Variants in SAMD12 observed in about 807,000 individuals in gnomAD.
SAMD12 encodes the protein sterile alpha motif domain-containing protein 12.
In SAMD12, 9 loss-of-function variants were observed where a neutral mutation model predicts 15.0. The observed-to-expected ratio is 0.60, with a 90% CI of 0.36 to 1.05. The LOEUF (loss-of-function observed/expected upper bound fraction) is 1.05. Among genes scored for constraint, SAMD12 ranks in the 50% least tolerant of loss-of-function variants. The pLI is 0.01. For missense variants in SAMD12, 230 were observed against 234.2 expected, an observed-to-expected ratio of 0.98 and a Z score of 0.12; for synonymous variants, 86 against 90.1, an observed-to-expected ratio of 0.96 and a Z score of 0.25.
At chr8:118,472,014 G>A (rs887970633) in intron 2 of SAMD12, among the ~76,000 whole-genome samples, 2 of 152,000 alleles carry the variant, frequency 1.3e-5, no homozygotes, top group South Asian at 2.1e-4. Context: ...TAGGCCGGGC[G>A]CGGTGGCTCA....
At chr8:118,364,619 G>A (rs188403374) in intron 4 of SAMD12, among the ~76,000 whole-genome samples, 3 of 152,244 alleles carry the variant, frequency 2.0e-5, no homozygotes, top group East Asian at 3.9e-4. Context: ...AGTCAACTGC[G>A]GTGAAGCTGT....
chr8:118,375,963 C>T (rs1819366864), downstream of SAMD12: 1 of 152,136 alleles, frequency 6.6e-6, no homozygotes, highest in South Asian at 2.1e-4. Context: ...CTGCACCTTA[C>T]TTTTTTCTCA....
intron 4 of SAMD12, among the ~76,000 whole-genome samples, chr8:118,338,777 A>C (rs2514944): frequency 4.6e-5 from 7 of 151,680 alleles, no homozygotes; most frequent in African/African-American, 1.7e-4. Context: ...CTTGGAAATT[A>C]ACAGGGCAGC....
At chr8:118,250,251 C>T (rs1338470478) in intron 4 of SAMD12, among the ~76,000 whole-genome samples, 1 of 152,094 alleles carries the variant, frequency 6.6e-6, no homozygotes, top group African/African-American at 2.4e-5. Flanking sequence ...AATCCTGGCT[C>T]ATCAAATACC....
At chr8:118,323,241 G>A (rs1278218847) in intron 4 of SAMD12, among the ~76,000 whole-genome samples, 1 of 152,178 alleles carries the variant, frequency 6.6e-6, no homozygotes, top group Non-Finnish European at 1.5e-5. Flanking sequence ...TGTTACAGCA[G>A]CTAGTGTTTG....
chr8:118,439,765 A>C (rs1349228470), intron 3 of SAMD12, 67 bp downstream of exon 3: 1 of 1,485,456 alleles, frequency 6.7e-7, no homozygotes, highest in Non-Finnish European at 9.4e-7. Flanking sequence ...TGGTAAGGGT[A>C]TGGGAAAGGC....
intron 4 of SAMD12, among the ~76,000 whole-genome samples, chr8:118,351,866 G>A (rs570827081): frequency 6.6e-5 from 10 of 152,324 alleles, no homozygotes; most frequent in African/African-American, 2.4e-4. Context: ...CTGAATTCTT[G>A]TTGGTTTTCC....
intron 2 of SAMD12, among the ~76,000 whole-genome samples, chr8:118,475,213 T>G (rs1012062059): frequency 3.3e-5 from 5 of 152,174 alleles, no homozygotes; most frequent in African/African-American, 1.2e-4. Context: ...CACTCCAGCC[T>G]GGGTGACAGA....
At chr8:118,549,012 C>G (rs921397818) in intron 2 of SAMD12, among the ~76,000 whole-genome samples, 9 of 152,376 alleles carry the variant, frequency 5.9e-5, no homozygotes, top group East Asian at 3.9e-4. Context: ...CTTAGGTAAA[C>G]GAAGCAGCCA....
intron 2 of SAMD12, among the ~76,000 whole-genome samples, chr8:118,475,191 A>C (rs1823919003): frequency 6.6e-6 from 1 of 152,182 alleles, no homozygotes; most frequent in South Asian, 2.1e-4. Flanking sequence ...GTGAGCTGAG[A>C]TCACGCCCCT....
At chr8:118,412,540 G>A (rs555299067) in intron 3 of SAMD12, among the ~76,000 whole-genome samples, 5 of 152,256 alleles carry the variant, frequency 3.3e-5, no homozygotes, top group African/African-American at 1.2e-4. Flanking sequence ...CCTGGAAGTC[G>A]GGAGCATGGA....
At chr8:118,227,770 A>G (rs1306264181) in intron 4 of SAMD12, among the ~76,000 whole-genome samples, 1 of 152,196 alleles carries the variant, frequency 6.6e-6, no homozygotes, top group African/African-American at 2.4e-5. Context: ...AGCAGATCTC[A>G]ACCTTAAGAG....
rs892522897 is a variant in SAMD12 at position 118,301,895 on chromosome 8, A to G, written c.433+77665T>C. Among the ~76,000 whole-genome samples, 7 of 152,124 alleles carry G rather than the reference A, an allele frequency of 4.6e-5. No individual in the cohort carries two copies. In the East Asian group the frequency reaches 1.3e-3, roughly 29 times the overall value. On this transcript the variant is annotated intron_variant, in intron 4 of 4. Transcript: ENST00000409003. ...AGTATTTTAGAAACATCTCATTTCAAACAGGTATCTTAATAGGCTGTCACA... is the reference window on the plus strand; with the variant it reads ...AGTATTTTAGAAACATCTCATTTCAGACAGGTATCTTAATAGGCTGTCACA...
intron 3 of SAMD12, among the ~76,000 whole-genome samples, chr8:118,425,996 T>C (rs766502987): frequency 6.6e-6 from 1 of 152,188 alleles, no homozygotes; most frequent in Non-Finnish European, 1.5e-5. Context: ...TGGGTTTCTG[T>C]TTATTCATGT....
At chr8:118,287,872 T>C (rs1667498820) in intron 4 of SAMD12, among the ~76,000 whole-genome samples, 1 of 152,148 alleles carries the variant, frequency 6.6e-6, no homozygotes, top group African/African-American at 2.4e-5. Context: ...AATAAATATG[T>C]GGCCTAAACA....
Position 118,412,454 on chromosome 8 carries a change from C to T in SAMD12, c.322+27378G>A, listed in dbSNP as rs186069637. On this transcript the variant is annotated intron_variant, in intron 3 of 3. Transcript: ENST00000314727. ...TACATAAAATAGAAACAGTTCGTTG[C>T]TTGAGCAATGATTTGAAGACGTCTG... Among the ~76,000 whole-genome samples the T allele has an allele frequency of 1.9e-3, 288 of 152,260 alleles. 3 individuals carry two copies. The highest frequency in any genetic ancestry group is 0.016 in the Admixed American group (238 of 15,294).
At chr8:118,210,940 A>G (rs545218752) in intron 4 of SAMD12, among the ~76,000 whole-genome samples, 143 of 152,320 alleles carry the variant, frequency 9.4e-4, no homozygotes, top group African/African-American at 3.3e-3. Flanking sequence ...TGTCCTAGGC[A>G]CTGTGCTAAA....
chr8:118,167,066 T>C, the SAMD12 span, among the ~76,000 whole-genome samples: 7 of 152,178 alleles, frequency 4.6e-5, no homozygotes, highest in African/African-American at 1.7e-4. Flanking sequence ...GTGGGTACTC[T>C]TCCCTGCCTG....
chr8:118,448,620 T>A (rs1822986418), intron 2 of SAMD12, among the ~76,000 whole-genome samples: 1 of 152,248 alleles, frequency 6.6e-6, no homozygotes, highest in South Asian at 2.1e-4. Flanking sequence ...CAGCCTTTCC[T>A]CCGATTAGAT....
Sources: allele counts gnomAD v4.1 joint callset (sites outside exome capture counted in the v4.1 genomes callset), GRCh38; gene constraint gnomAD v4.1.1; transcripts MANE v1.5; gene names NCBI Gene and HGNC (gene_info 2026-07-23, HGNC 2026-07-21).